RASAL2: variants seen among roughly 807,000 people sequenced by gnomAD.
RASAL2 encodes the protein RAS protein activator like 2.
Under a neutral mutation model 128.9 loss-of-function variants are expected in RASAL2, and 58 were observed. The observed-to-expected ratio is 0.45, with a 90% CI of 0.36 to 0.56. The LOEUF (loss-of-function observed/expected upper bound fraction) is 0.56, where lower values mean the gene tolerates loss of function less well. Among genes scored for constraint, RASAL2 ranks in the 20% least tolerant of loss-of-function variants. The pLI, the probability that RASAL2 is intolerant of heterozygous loss-of-function variation, is 0.00. For synonymous variants in RASAL2, 561 were observed against 580.8 expected (o/e 0.97, Z 0.49); for missense variants, 1,360 against 1,601.6 (o/e 0.85, Z 2.57).
At chr1:178,172,252 T>C (rs1197905206) in intron 1 of RASAL2, among the ~76,000 whole-genome samples, 2 of 152,088 alleles carry the variant, frequency 1.3e-5, no homozygotes, top group Non-Finnish European at 2.9e-5. Flanking sequence ...AGATAATAGT[T>C]TGTCAAAGGT....
chr1:178,470,121 T>C (rs1397682875), intron 17 of RASAL2, among the ~76,000 whole-genome samples: 1 of 152,240 alleles, frequency 6.6e-6, no homozygotes, highest in Non-Finnish European at 1.5e-5. Context: ...TCCTTTCTTT[T>C]GTAAGGATAA....
rs759551947 is a variant in RASAL2, at chr1:178,445,613, T to C, written c.1578T>C (p.Ile526=). ...FRENTIATKS[I]EEYLKLVGQQ... is the part of the protein sequence containing the mutation. ...AGAACACTATTGCCACCAAATCCAT[T>C]GAGGAATACCTCAAGTTGGTGGGAC... The change falls in exon 9 of 18, where the codon ATT becomes ATC. Residue 526 remains isoleucine (I), a synonymous_variant. Transcript: ENST00000367649. 1.9e-6 allele frequency: 3 copies of C among 1,613,886 alleles called. No homozygotes were observed. Among genetic ancestry groups the C allele is most frequent in the Admixed American group, 1.7e-5 (1 of 60,004 alleles).
intron 1 of RASAL2, among the ~76,000 whole-genome samples, chr1:178,120,098 T>A (rs1659660436): frequency 6.6e-6 from 1 of 152,220 alleles, no homozygotes; most frequent in Non-Finnish European, 1.5e-5. Flanking sequence ...TTTAAAGAAC[T>A]CCAAAGGCTT....
At chr1:178,265,560 A>C (rs1240336948) in intron 1 of RASAL2, among the ~76,000 whole-genome samples, 1 of 152,242 alleles carries the variant, frequency 6.6e-6, no homozygotes, top group African/African-American at 2.4e-5. Context: ...GTCCCTATTC[A>C]TAGATGAGGA....
chr1:178,290,783 C>G (rs1667246121), intron 2 of RASAL2, among the ~76,000 whole-genome samples: 1 of 152,114 alleles, frequency 6.6e-6, no homozygotes, highest in Non-Finnish European at 1.5e-5. Context: ...TCACGCCATT[C>G]TCCTGCCTCA....
intron 1 of RASAL2, among the ~76,000 whole-genome samples, chr1:178,162,057 C>T (rs1394151979): frequency 1.3e-5 from 2 of 150,188 alleles, no homozygotes; most frequent in Non-Finnish European, 3.0e-5. Flanking sequence ...CTCCGCCTCT[C>T]AGCTTCACGC....
intron 1 of RASAL2, among the ~76,000 whole-genome samples, chr1:178,169,385 A>G (rs967769311): frequency 2.0e-5 from 3 of 152,190 alleles, no homozygotes; most frequent in Non-Finnish European, 2.9e-5. Flanking sequence ...TCTTTTAGAT[A>G]AGATATATAA....
chr1:178,381,762 A>G (rs1183447260), intron 3 of RASAL2, among the ~76,000 whole-genome samples: 1 of 152,098 alleles, frequency 6.6e-6, no homozygotes, highest in African/African-American at 2.4e-5. Context: ...CATATTAACA[A>G]TGAGAATATA....
At chr1:178,258,202 A>G (rs574316503) in intron 1 of RASAL2, among the ~76,000 whole-genome samples, 2 of 151,670 alleles carry the variant, frequency 1.3e-5, no homozygotes, top group African/African-American at 4.8e-5. Context: ...GCTGAGGCAG[A>G]AGAATCACTT....
chr1:178,320,513 C>T (rs570528309), intron 3 of RASAL2, among the ~76,000 whole-genome samples: 67 of 152,288 alleles, frequency 4.4e-4, no homozygotes, highest in African/African-American at 1.4e-3. Context: ...TTTTTTAAGC[C>T]GGTCTGAAAA....
chr1:178,377,594 C>G (rs1373501098), intron 3 of RASAL2, among the ~76,000 whole-genome samples: 1 of 152,098 alleles, frequency 6.6e-6, no homozygotes, highest in South Asian at 2.1e-4. Flanking sequence ...GACTGGGCCT[C>G]TGAATGAGTT....
intron 1 of RASAL2, among the ~76,000 whole-genome samples, chr1:178,205,775 T>A (rs529935695): frequency 6.6e-6 from 1 of 152,052 alleles, no homozygotes; most frequent in African/African-American, 2.4e-5. Context: ...AAAAGACTCA[T>A]GTTCACACCT....
intron 4 of RASAL2, among the ~76,000 whole-genome samples, chr1:178,415,008 C>T (rs1257379809): frequency 6.6e-6 from 1 of 152,002 alleles, no homozygotes; most frequent in Non-Finnish European, 1.5e-5. Context: ...TTTTATTGAT[C>T]TTCATAAGGA....
At chr1:178,247,542 G>T (rs1156861903) in intron 1 of RASAL2, among the ~76,000 whole-genome samples, 1 of 151,830 alleles carries the variant, frequency 6.6e-6, no homozygotes, top group Admixed American at 6.6e-5. Flanking sequence ...TTTATTTTTT[G>T]AAGAGTTTTT....
At chr1:178,331,583 C>CTTTTTTTTT (rs71731643) in intron 3 of RASAL2, among the ~76,000 whole-genome samples, 3 of 110,216 alleles carry the variant, frequency 2.7e-5, no homozygotes, top group African/African-American at 3.8e-5. Context: ...CTTCATGCAT[C>CTTTTTTTTT]TTTTTTTTTT....
In RASAL2 at chr1:178,288,634, T is replaced by TTC. The variant is rs1487074112; in HGVS notation, c.330+4951_330+4952dup. Reference sequence around the variant, plus strand: ...ATCATTCCCATCAGCATGCTATTCTTTCTCTCTCTTTTTTTTTTTTTTTTT... The same window carrying TTC: ...ATCATTCCCATCAGCATGCTATTCTTTCTCTCTCTCTTTTTTTTTTTTTTTTT... On this transcript the variant is annotated intron_variant, in intron 2 of 17. Coordinates refer to ENST00000367649, the MANE Select transcript of RASAL2 (RefSeq NM_170692.4). Among the ~76,000 whole-genome samples the TTC allele has an allele frequency of 4.1e-5, 6 of 147,546 alleles. No individual in the cohort carries two copies. In the East Asian group the frequency reaches 7.9e-4, roughly 19 times the overall value.
chr1:178,257,043 A>G lies in RASAL2; in HGVS notation c.203-26521A>G, dbSNP rs185319576. Reference sequence around the variant, plus strand: ...AGATAATTTTATTCATAAAACATCAAAAAGAATAAGATACTTAGGAATTTA... The same window carrying G: ...AGATAATTTTATTCATAAAACATCAGAAAGAATAAGATACTTAGGAATTTA... On this transcript the variant is annotated intron_variant, in intron 1 of 17. Coordinates refer to ENST00000367649, the MANE Select transcript of RASAL2 (RefSeq NM_170692.4). 2.4e-3 allele frequency among the ~76,000 whole-genome samples: 368 copies of G among 150,888 alleles called. 1 individual carries two copies. Among genetic ancestry groups the G allele is most frequent in the African/African-American group, 8.6e-3 (357 of 41,430 alleles).
At chr1:178,181,503 A>G (rs1208164833) in intron 1 of RASAL2, among the ~76,000 whole-genome samples, 3 of 151,950 alleles carry the variant, frequency 2.0e-5, no homozygotes. Context: ...GACTACAGGC[A>G]CCTGCCACCG....
chr1:178,131,832 C>T (rs1332298072), intron 1 of RASAL2, among the ~76,000 whole-genome samples: 1 of 152,138 alleles, frequency 6.6e-6, no homozygotes, highest in Non-Finnish European at 1.5e-5. Flanking sequence ...AAATATTATA[C>T]TGTATTAACT....
Sources: gnomAD v4.1 joint callset for allele counts (sites outside exome capture counted in the v4.1 genomes callset) on GRCh38, gnomAD v4.1.1 for gene constraint, MANE v1.5 for transcripts, NCBI Gene and HGNC (gene_info 2026-07-23, HGNC 2026-07-21) for gene names.